The following ZFAT variants were observed in gnomAD, a reference collection of about 807,000 sequenced individuals.
The protein encoded by ZFAT is zinc finger protein ZFAT.
ZFAT carries 64 observed loss-of-function variants against 117.7 expected under a neutral mutation model. The ratio of observed to expected loss-of-function variants is 0.54; its 90% CI spans 0.44 to 0.67. The LOEUF (loss-of-function observed/expected upper bound fraction) is 0.67, where lower values mean the gene tolerates loss of function less well. Among genes scored for constraint, ZFAT ranks in the 30% least tolerant of loss-of-function variants. The probability of loss-of-function intolerance (pLI) is 0.00; values close to 1 mark genes in which losing one functional copy is unlikely to be tolerated. For missense variants in ZFAT, 1,433 were observed against 1,584.5 expected, an observed-to-expected ratio of 0.90 and a Z score of 1.62; for synonymous variants, 679 against 615.0, an observed-to-expected ratio of 1.10 and a Z score of -1.54.
chr8:134,510,585 T>TC, intron 14 of ZFAT: 2 of 165,352 alleles, frequency 1.2e-5, no homozygotes, highest in Admixed American at 5.9e-5. Context: ...AGTGGCGGAC[T>TC]TATATTCACA....
chr8:134,730,423 C>T, the ZFAT span, among the ~76,000 whole-genome samples: 113 of 152,354 alleles, frequency 7.4e-4, no homozygotes, highest in African/African-American at 2.5e-3. Flanking sequence ...CCCCACTCCC[C>T]CTTCCTGCCA....
Position 134,478,657 on chromosome 8 carries a change from G to T in ZFAT, c.3557C>A (p.Ser1186Tyr). Residue 1186 changes from serine to tyrosine, a missense_variant, in exon 16 of 16, where the codon TCC becomes TAC. By Grantham distance (144) the Ser-to-Tyr change is moderately radical. Around this residue, in one of 5 missense-constraint regions of ZFAT, gnomAD observed 503 missense variants for 543.4 expected, o/e 0.93. Coordinates refer to ENST00000377838, the MANE Select transcript of ZFAT (RefSeq NM_020863.4). The surrounding 1 kb of genome is among the most constrained non-coding windows in gnomAD (Gnocchi z 5.2). ...GTGGTGCTGCTCGGCAAGCTCCACG[G>T]ACGCTTGCTGGACCGTCTCCTGGAT... Reference protein sequence around the residue: ...VMIQETVQQASVELAEQHHLV... With the variant: ...VMIQETVQQAYVELAEQHHLV... The T allele has an allele frequency of 2.5e-6, 4 of 1,582,916 alleles. No individual in the cohort carries two copies. Among genetic ancestry groups the T allele is most frequent in the Non-Finnish European group, 3.4e-6 (4 of 1,165,052 alleles).
At chr8:134,658,141 T>C (rs1586905943) in intron 1 of ZFAT, among the ~76,000 whole-genome samples, 1 of 152,164 alleles carries the variant, frequency 6.6e-6, no homozygotes, top group South Asian at 2.1e-4. Flanking sequence ...ATCGAGACCA[T>C]CCTGGCTAAC....
In ZFAT at chr8:134,597,964, A is replaced by T. The variant is rs16905194; in HGVS notation, c.2475+2472T>A. The T allele has an allele frequency of 0.21, 32,491 of 152,280 alleles. 4,119 individuals are homozygous for T. Among genetic ancestry groups the T allele is most frequent in the East Asian group, 0.53 (2,725 of 5,172 alleles). The allele number at this position is 152,280 out of a possible 1,614,324, so 9.4% of individuals were successfully genotyped here. On this transcript the variant is annotated intron_variant, in intron 7 of 15. Transcript: ENST00000377838. ...ACAGAAATTTTATTATCGTAGCATA[A>T]AGCACAACTGCCACTTAACAGCACA...
the ZFAT span, among the ~76,000 whole-genome samples, chr8:134,788,985 T>C: frequency 6.6e-6 from 1 of 152,134 alleles, no homozygotes; most frequent in Non-Finnish European, 1.5e-5. Flanking sequence ...GTAAGCAACA[T>C]GTAGTAGGGA....
chr8:134,815,410 A>G, the ZFAT span, among the ~76,000 whole-genome samples: 1 of 152,224 alleles, frequency 6.6e-6, no homozygotes, highest in East Asian at 1.9e-4. Flanking sequence ...TTCTTGGCCA[A>G]CTAGAAATCC....
At chr8:134,535,492 C>A (rs1287214655) in intron 11 of ZFAT, among the ~76,000 whole-genome samples, 1 of 127,864 alleles carries the variant, frequency 7.8e-6, no homozygotes, top group Admixed American at 7.9e-5. Flanking sequence ...TCCCCCTCCC[C>A]CTCCCCCTCC....
the ZFAT span, chr8:134,794,664 T>C: frequency 6.6e-6 from 1 of 152,248 alleles, no homozygotes; most frequent in African/African-American, 2.4e-5. Context: ...TCTGTTCAGT[T>C]TGAAGCTAAA....
the ZFAT span, among the ~76,000 whole-genome samples, chr8:134,758,258 G>T: frequency 3.3e-5 from 5 of 152,148 alleles, no homozygotes; most frequent in African/African-American, 9.7e-5. Flanking sequence ...ATGATCCTGG[G>T]TATGATCACC....
At chr8:134,615,896 T>A (rs1183320539) in intron 3 of ZFAT, among the ~76,000 whole-genome samples, 1 of 152,114 alleles carries the variant, frequency 6.6e-6, no homozygotes, top group Non-Finnish European at 1.5e-5. Context: ...TCTTAACTGA[T>A]CCCTTGAGCC....
intron 2 of ZFAT, among the ~76,000 whole-genome samples, chr8:134,654,609 G>A (rs1184712505): frequency 2.0e-5 from 3 of 152,242 alleles, no homozygotes; most frequent in Non-Finnish European, 2.9e-5. Flanking sequence ...CTCGTCAGAA[G>A]GATCCCCAGG....
At chr8:134,525,757 G>T (rs1021291913) in intron 12 of ZFAT, among the ~76,000 whole-genome samples, 4 of 152,202 alleles carry the variant, frequency 2.6e-5, no homozygotes, top group Non-Finnish European at 5.9e-5. Flanking sequence ...GCAGAGGAGG[G>T]CACCGAGGCA....
At chr8:134,560,372 T>C (rs1823963043) in intron 11 of ZFAT, among the ~76,000 whole-genome samples, 2 of 152,180 alleles carry the variant, frequency 1.3e-5, no homozygotes, top group Non-Finnish European at 1.5e-5. Context: ...TATAGAATGA[T>C]ATATATATAA....
In ZFAT at chr8:134,602,557, A is replaced by G. The variant is rs1333323980; in HGVS notation, c.1162T>C (p.Leu388=). ...DPQDKKVKEA[L]DELCLMTREG... ...CTCGTCATCAGGCAGAGCTCGTCCAAGGCCTCTTTGACCTTCTTGTCCTGT... is the reference window on the plus strand; with the variant it reads ...CTCGTCATCAGGCAGAGCTCGTCCAGGGCCTCTTTGACCTTCTTGTCCTGT... The change falls in exon 6 of 16, where the codon TTG becomes CTG. Residue 388 remains leucine, a synonymous_variant. Transcript: ENST00000377838. 6.2e-7 allele frequency: 1 copy of G among 1,614,046 alleles called. No homozygotes were observed. The highest frequency in any genetic ancestry group is 8.5e-7 in the Non-Finnish European group (1 of 1,180,034).
intron 9 of ZFAT, 94 bp downstream of exon 9, chr8:134,588,152 T>A: frequency 7.3e-7 from 1 of 1,377,614 alleles, no homozygotes; most frequent in Non-Finnish European, 9.7e-7. Context: ...ACAGCAGGGA[T>A]GTGAAGATAC....
At chr8:134,549,461 AG>A (rs1204030627) in intron 11 of ZFAT, among the ~76,000 whole-genome samples, 1 of 142,192 alleles carries the variant, frequency 7.0e-6, no homozygotes, top group Non-Finnish European at 1.5e-5. Context: ...AAAAAAAAAA[AG>A]AAGAAGAAGA....
intron 1 of ZFAT, among the ~76,000 whole-genome samples, chr8:134,699,145 G>A (rs11996161): frequency 0.018 from 2,743 of 152,106 alleles, 89 homozygotes; most frequent in African/African-American, 0.061. Flanking sequence ...CCCGCATTGC[G>A]TAGGGAACTG....
At chr8:134,715,564 T>C (rs1358502224), upstream of ZFAT, among the ~76,000 whole-genome samples, 1 of 152,250 alleles carries the variant, frequency 6.6e-6, no homozygotes, top group Non-Finnish European at 1.5e-5. Context: ...ATCTCTATTC[T>C]TTCTATTTGC....
intron 1 of ZFAT, among the ~76,000 whole-genome samples, chr8:134,709,499 T>C (rs189571273): frequency 5.3e-5 from 8 of 152,312 alleles, no homozygotes; most frequent in African/African-American, 1.4e-4. Context: ...TTAAAGTTGA[T>C]GCCTGCCCTT....
Sources: gnomAD v4.1 joint callset for allele counts (sites outside exome capture counted in the v4.1 genomes callset) on GRCh38, gnomAD v4.1.1 for gene constraint, gnomAD v4.1.1 regional missense constraint, Gnocchi (gnomAD v3.1) non-coding constraint, MANE v1.5 for transcripts, NCBI Gene and HGNC (gene_info 2026-07-23, HGNC 2026-07-21) for gene names.